Variants in ST18 observed in about 807,000 individuals in gnomAD.
ST18 encodes the protein ST18 C2H2C-type zinc finger transcription factor, also known as suppression of tumorigenicity 18 protein.
ST18 carries 50 observed loss-of-function variants against 110.0 expected under a neutral mutation model. That is an observed-to-expected ratio of 0.45 (90% CI 0.36 to 0.58). ST18 has a LOEUF of 0.58. Among genes scored for constraint, ST18 ranks in the 20% least tolerant of loss-of-function variants. ST18 has a pLI of 0.00. For synonymous variants in ST18, 461 were observed against 452.4 expected (o/e 1.02, Z -0.24); for missense variants, 1,306 against 1,280.1 (o/e 1.02, Z -0.31).
At chr8:52,231,062 G>A (rs1030032410) in intron 2 of ST18, among the ~76,000 whole-genome samples, 4 of 152,220 alleles carry the variant, frequency 2.6e-5, no homozygotes, top group South Asian at 2.1e-4. Context: ...AGAAAATTGC[G>A]AGTTTCACAC....
At chr8:52,265,940 C>A (rs2094852800) in intron 2 of ST18, among the ~76,000 whole-genome samples, 1 of 152,086 alleles carries the variant, frequency 6.6e-6, no homozygotes, top group African/African-American at 2.4e-5. Flanking sequence ...TATTTAGGGA[C>A]AAGCACAGGA....
At chr8:52,260,405 C>T (rs1430136332) in intron 2 of ST18, among the ~76,000 whole-genome samples, 1 of 152,060 alleles carries the variant, frequency 6.6e-6, no homozygotes, top group African/African-American at 2.4e-5. Context: ...ACAGCTCAAT[C>T]ACTCTGTCTT....
chr8:52,127,088 T>C (rs1044087985), intron 22 of ST18, among the ~76,000 whole-genome samples: 2 of 152,192 alleles, frequency 1.3e-5, no homozygotes, highest in East Asian at 1.9e-4. Flanking sequence ...TTACAACTCA[T>C]CTGTAAAGAA....
At chr8:52,150,274 GTGTGTGTA>G (rs976810594) in intron 15 of ST18, among the ~76,000 whole-genome samples, 2 of 151,864 alleles carry the variant, frequency 1.3e-5, no homozygotes, top group African/African-American at 4.9e-5. Flanking sequence ...GTGTGTGTGT[GTGTGTGTA>G]TATATATGTG....
At chr8:52,308,609 T>G (rs562553595) in intron 2 of ST18, among the ~76,000 whole-genome samples, 10 of 152,366 alleles carry the variant, frequency 6.6e-5, no homozygotes, top group African/African-American at 2.4e-4. Context: ...AACCTCTCCT[T>G]GAATTTCATT....
At chr8:52,151,952 C>T (rs780141715) in intron 15 of ST18, among the ~76,000 whole-genome samples, 68 of 152,100 alleles carry the variant, frequency 4.5e-4, no homozygotes, top group Non-Finnish European at 1.5e-5. Context: ...ATCAACTCTT[C>T]CAAGACAAGA....
At chr8:52,394,630 A>G (rs1840467363) in intron 2 of ST18, among the ~76,000 whole-genome samples, 1 of 152,196 alleles carries the variant, frequency 6.6e-6, no homozygotes, top group East Asian at 1.9e-4. Flanking sequence ...TCTCTCTTTA[A>G]ATGGTGTGGG....
chr8:52,144,753 C>A (rs980741839), intron 16 of ST18, among the ~76,000 whole-genome samples: 1 of 152,108 alleles, frequency 6.6e-6, no homozygotes, highest in Non-Finnish European at 1.5e-5. Context: ...TAATTCCACA[C>A]TAGGATGCAA....
chr8:52,301,746 A>G (rs2095725910), intron 2 of ST18: 8 of 152,240 alleles, frequency 5.3e-5, no homozygotes, highest in Admixed American at 5.2e-4. Context: ...TGCAGATATT[A>G]TGATCTGCTT....
At chr8:52,231,730 C>T (rs1224087298) in intron 2 of ST18, among the ~76,000 whole-genome samples, 1 of 152,216 alleles carries the variant, frequency 6.6e-6, no homozygotes, top group Non-Finnish European at 1.5e-5. Context: ...CAGCCGCGGC[C>T]TCCCAAGGTG....
intron 2 of ST18, among the ~76,000 whole-genome samples, chr8:52,313,780 C>T (rs1227443768): frequency 2.6e-5 from 4 of 152,118 alleles, no homozygotes; most frequent in East Asian, 3.9e-4. Flanking sequence ...TAGAAGGGAT[C>T]GTTGCTGCCC....
intron 2 of ST18, among the ~76,000 whole-genome samples, chr8:52,355,952 A>G (rs930170358): frequency 6.6e-6 from 1 of 152,204 alleles, no homozygotes; most frequent in Non-Finnish European, 1.5e-5. Context: ...AGTATTGAGC[A>G]CAGCAGCCAG....
Position 52,133,079 on chromosome 8 carries a change from C to T in ST18, c.2422G>A (p.Glu808Lys). 6.2e-7 allele frequency: 1 copy of T among 1,614,170 alleles called. No homozygotes were observed. Among genetic ancestry groups the T allele is most frequent in the Non-Finnish European group, 8.5e-7 (1 of 1,180,016 alleles). The part of the protein sequence containing the change: ...GGVKMTPTKE[E>K]KEDPELKCPV... ...TACTTCAGTTCAGGGTCTTCTTTTTCTTCCTTGGTAGGGGTCATTTTGACA... is the reference window on the plus strand; with the variant it reads ...TACTTCAGTTCAGGGTCTTCTTTTTTTTCCTTGGTAGGGGTCATTTTGACA... Residue 808 changes from glutamate (E) to lysine (K), a missense_variant, in exon 21 of 26, where the codon GAA becomes AAA. Coordinates refer to ENST00000689386, the MANE Select transcript of ST18 (RefSeq NM_001352837.2).
chr8:52,388,878 A>G (rs555503772), intron 2 of ST18, among the ~76,000 whole-genome samples: 16 of 149,806 alleles, frequency 1.1e-4, no homozygotes, highest in East Asian at 7.9e-4. Context: ...TGATGAGTTA[A>G]TGGGTGCAGC....
intron 2 of ST18, among the ~76,000 whole-genome samples, chr8:52,276,435 T>G (rs1018439663): frequency 4.0e-5 from 6 of 151,598 alleles, no homozygotes; most frequent in Non-Finnish European, 7.4e-5. Flanking sequence ...ACACAACACA[T>G]GCACACCAAA....
chr8:52,295,973 G>A (rs979858853), intron 2 of ST18, among the ~76,000 whole-genome samples: 1 of 151,706 alleles, frequency 6.6e-6, no homozygotes, highest in South Asian at 2.1e-4. Flanking sequence ...GTGGCAGCCA[G>A]ATAATCTACC....
At chr8:52,386,039 A>C (rs1000910763) in intron 2 of ST18, among the ~76,000 whole-genome samples, 1 of 152,200 alleles carries the variant, frequency 6.6e-6, no homozygotes, top group Non-Finnish European at 1.5e-5. Context: ...ATTATGAAGA[A>C]GGAAATCCAA....
At chr8:52,180,044 A>ACCATACAAT in intron 9 of ST18, 78 bp downstream of exon 9, 1 of 1,427,412 alleles carries the variant, frequency 7.0e-7, no homozygotes, top group East Asian at 2.3e-5. Context: ...AACCATACAA[A>ACCATACAAT]CCACACACTC....
chr8:52,201,019 G>A (rs1336184522), intron 8 of ST18: 1 of 152,266 alleles, frequency 6.6e-6, no homozygotes, highest in Non-Finnish European at 1.5e-5. Context: ...AAGCCCCAAT[G>A]AGATCACCAA....
Sources: allele counts gnomAD v4.1 joint callset (sites outside exome capture counted in the v4.1 genomes callset), GRCh38; gene constraint gnomAD v4.1.1; transcripts MANE v1.5; gene names NCBI Gene and HGNC (gene_info 2026-07-23, HGNC 2026-07-21).